Variants in ZC2HC1A observed in about 807,000 individuals in gnomAD.
ZC2HC1A encodes the protein zinc finger C2HC-type containing 1A.
Under a neutral mutation model 40.7 loss-of-function variants are expected in ZC2HC1A, and 28 were observed. The ratio of observed to expected loss-of-function variants is 0.69; its 90% CI spans 0.51 to 0.94. The LOEUF (loss-of-function observed/expected upper bound fraction) is 0.94, where lower values mean the gene tolerates loss of function less well. Among genes scored for constraint, ZC2HC1A ranks in the 40% least tolerant of loss-of-function variants. The pLI is 0.00. For missense variants in ZC2HC1A, 389 were observed against 386.3 expected (o/e 1.01, Z -0.06); for synonymous variants, 129 against 129.2 (o/e 1.00, Z 0.01).
At chr8:78,688,978 TC>T (rs1204527639) in intron 4 of ZC2HC1A, among the ~76,000 whole-genome samples, 1 of 151,798 alleles carries the variant, frequency 6.6e-6, no homozygotes, top group Non-Finnish European at 1.5e-5. Context: ...TTGTTTTTTT[TC>T]CTTCACACAT....
intron 1 of ZC2HC1A, among the ~76,000 whole-genome samples, chr8:78,672,284 A>G (rs962702812): frequency 8.5e-5 from 13 of 152,132 alleles, no homozygotes; most frequent in Admixed American, 5.2e-4. Flanking sequence ...TTTAATTGAG[A>G]GAAAGGTACA....
intron 3 of ZC2HC1A, among the ~76,000 whole-genome samples, chr8:78,683,549 G>T (rs777236109): frequency 1.3e-5 from 2 of 152,128 alleles, no homozygotes; most frequent in Non-Finnish European, 2.9e-5. Context: ...CACACAGTAG[G>T]GGGGCCCTGG....
chr8:78,715,442 T>C (rs1811071262), intron 8 of ZC2HC1A, 114 bp downstream of exon 8: 1 of 969,040 alleles, frequency 1.0e-6, no homozygotes, highest in Non-Finnish European at 1.5e-6. Flanking sequence ...CTGATTTTTT[T>C]CTTTTAATCT....
intron 3 of ZC2HC1A, 24 bp downstream of exon 3, chr8:78,678,703 G>T: frequency 6.5e-7 from 1 of 1,526,824 alleles, no homozygotes; most frequent in Non-Finnish European, 8.9e-7. Context: ...CTTTTGAACA[G>T]TATGAACTTT....
At chr8:78,674,911 A>C (rs564658594) in intron 1 of ZC2HC1A, among the ~76,000 whole-genome samples, 6 of 152,228 alleles carry the variant, frequency 3.9e-5, no homozygotes, top group Admixed American at 3.9e-4. Context: ...AGCATCTCTA[A>C]AATATTCAGC....
intron 1 of ZC2HC1A, among the ~76,000 whole-genome samples, chr8:78,670,575 TC>T (rs1428856742): frequency 6.6e-6 from 1 of 152,190 alleles, no homozygotes; most frequent in African/African-American, 2.4e-5. Context: ...AGCAAGGGAT[TC>T]GTGGATAATT....
chr8:78,705,138 A>T (rs1423450593), intron 7 of ZC2HC1A, among the ~76,000 whole-genome samples: 4 of 152,136 alleles, frequency 2.6e-5, no homozygotes, highest in African/African-American at 9.7e-5. Flanking sequence ...TTCTGAGGAG[A>T]TTCTCAGCCT....
At chr8:78,669,443 T>A (rs919485725) in intron 1 of ZC2HC1A, among the ~76,000 whole-genome samples, 1 of 152,038 alleles carries the variant, frequency 6.6e-6, no homozygotes, top group Non-Finnish European at 1.5e-5. Context: ...ATGGCGAAAA[T>A]CACAAAAAGC....
At chr8:78,680,163 A>G (rs1281075499) in intron 3 of ZC2HC1A, among the ~76,000 whole-genome samples, 2 of 152,122 alleles carry the variant, frequency 1.3e-5, no homozygotes, top group African/African-American at 2.4e-5. Context: ...GGTGATTTCA[A>G]TGAATATTAG....
At chr8:78,691,174 T>C (rs1810199409) in intron 5 of ZC2HC1A, among the ~76,000 whole-genome samples, 1 of 152,224 alleles carries the variant, frequency 6.6e-6, no homozygotes, top group Non-Finnish European at 1.5e-5. Flanking sequence ...AGCATTGTTT[T>C]TCACCATTGT....
At chr8:78,679,665 T>C (rs1809701585) in intron 3 of ZC2HC1A, among the ~76,000 whole-genome samples, 1 of 152,142 alleles carries the variant, frequency 6.6e-6, no homozygotes, top group African/African-American at 2.4e-5. Flanking sequence ...GTGAAGTGAT[T>C]TAAGCTAAGT....
intron 2 of ZC2HC1A, among the ~76,000 whole-genome samples, chr8:78,677,458 A>G (rs1031150503): frequency 1.3e-5 from 2 of 152,170 alleles, no homozygotes; most frequent in African/African-American, 4.8e-5. Context: ...GAAAAGAATT[A>G]GTATGGGAGA....
At chr8:78,698,362 T>C (rs1810497986) in intron 6 of ZC2HC1A, 52 bp from the exon 7 acceptor site, 2 of 1,446,968 alleles carry the variant, frequency 1.4e-6, no homozygotes, top group Middle Eastern at 1.8e-4. Flanking sequence ...ATGCTCTGTT[T>C]TATGTAACCT....
intron 1 of ZC2HC1A, among the ~76,000 whole-genome samples, chr8:78,670,389 C>T (rs1262058761): frequency 6.6e-6 from 1 of 152,124 alleles, no homozygotes; most frequent in Non-Finnish European, 1.5e-5. Context: ...AAAAAATGTG[C>T]TCATCAGGAC....
intron 8 of ZC2HC1A, among the ~76,000 whole-genome samples, chr8:78,715,858 G>T (rs1811084417): frequency 6.6e-6 from 1 of 151,630 alleles, no homozygotes; most frequent in African/African-American, 2.4e-5. Context: ...TGGCCAACAT[G>T]GTGAAACCCT....
intron 7 of ZC2HC1A, among the ~76,000 whole-genome samples, chr8:78,710,083 A>G (rs1810906126): frequency 6.6e-6 from 1 of 152,180 alleles, no homozygotes. Flanking sequence ...GGATAGGTTG[A>G]TATCGTCACC....
intron 1 of ZC2HC1A, among the ~76,000 whole-genome samples, chr8:78,674,272 G>C (rs1330902133): frequency 6.6e-6 from 1 of 152,126 alleles, no homozygotes; most frequent in Non-Finnish European, 1.5e-5. Flanking sequence ...CATCTAAGAA[G>C]TAGATAAGCA....
intron 7 of ZC2HC1A, among the ~76,000 whole-genome samples, chr8:78,704,827 C>T (rs188459872): frequency 3.7e-4 from 56 of 152,188 alleles, no homozygotes; most frequent in East Asian, 7.7e-4. Context: ...TTCTTGTCAG[C>T]GTGTCTTATT....
At chr8:78,715,846 C>G (rs1222336892) in intron 8 of ZC2HC1A, among the ~76,000 whole-genome samples, 1 of 151,724 alleles carries the variant, frequency 6.6e-6, no homozygotes, top group Non-Finnish European at 1.5e-5. Flanking sequence ...TTGAGACTAG[C>G]CTGGCCAACA....
Sources: gnomAD v4.1 joint callset for allele counts (sites outside exome capture counted in the v4.1 genomes callset) on GRCh38, gnomAD v4.1.1 for gene constraint, MANE v1.5 for transcripts, NCBI Gene and HGNC (gene_info 2026-07-23, HGNC 2026-07-21) for gene names.